Variants in MECOM observed in about 807,000 individuals in gnomAD.
MECOM encodes histone-lysine N-methyltransferase MECOM.
MECOM carries 13 observed loss-of-function variants against 116.3 expected under a neutral mutation model. The ratio of observed to expected loss-of-function variants is 0.11; its 90% confidence interval spans 0.07 to 0.18. The LOEUF is 0.18. Among genes scored for constraint, MECOM ranks in the 10% least tolerant of loss-of-function variants. MECOM has a pLI of 1.00. For synonymous variants in MECOM, 528 were observed against 535.2 expected (o/e 0.99, Z 0.19); for missense variants, 1,299 against 1,509.0 (o/e 0.86, Z 2.31).
intron 2 of MECOM, among the ~76,000 whole-genome samples, chr3:169,323,402 T>C (rs1721259927): frequency 6.6e-6 from 1 of 152,188 alleles, no homozygotes; most frequent in Non-Finnish European, 1.5e-5. Context: ...GGATTTCCTT[T>C]GGTTGCACAG....
chr3:169,224,999 A>G (rs1478557519), intron 2 of MECOM, among the ~76,000 whole-genome samples: 1 of 152,228 alleles, frequency 6.6e-6, no homozygotes, highest in Non-Finnish European at 1.5e-5. Flanking sequence ...TGCTAAATAC[A>G]TTGGTCAGAT....
At chr3:169,301,328 T>C (rs1716675878) in intron 2 of MECOM, among the ~76,000 whole-genome samples, 1 of 152,168 alleles carries the variant, frequency 6.6e-6, no homozygotes, top group South Asian at 2.1e-4. Flanking sequence ...AGAAGGAAAA[T>C]GTATGATTCA....
chr3:169,524,967 T>C (rs548949453), intron 1 of MECOM, among the ~76,000 whole-genome samples: 2 of 144,952 alleles, frequency 1.4e-5, no homozygotes, highest in East Asian at 2.0e-4. Flanking sequence ...CTAAACTGCA[T>C]ACTTGTTTAA....
intron 1 of MECOM, among the ~76,000 whole-genome samples, chr3:169,418,793 CTGAAT>C: frequency 8.4e-6 from 1 of 119,536 alleles, no homozygotes; most frequent in East Asian, 3.9e-4. Flanking sequence ...CAATATCATA[CTGAAT>C]TGGCAAAACC....
intron 1 of MECOM, among the ~76,000 whole-genome samples, chr3:169,580,899 C>G (rs557079329): frequency 1.3e-5 from 2 of 152,162 alleles, no homozygotes; most frequent in African/African-American, 4.8e-5. Flanking sequence ...ATTTACCCCA[C>G]GTGATACTGG....
At chr3:169,580,305 AT>A (rs1300728374) in intron 1 of MECOM, among the ~76,000 whole-genome samples, 4 of 152,034 alleles carry the variant, frequency 2.6e-5, no homozygotes, top group African/African-American at 9.7e-5. Context: ...GATTTCTGAG[AT>A]TTTGGTGGAC....
chr3:169,089,227 G>C (rs193230614), intron 15 of MECOM, 44 bp from the exon 16 acceptor site: 117 of 1,363,550 alleles, frequency 8.6e-5, no homozygotes, highest in Non-Finnish European at 1.1e-4. Flanking sequence ...CTTTTCATTT[G>C]TTATCTAATC....
At chr3:169,508,266 C>T (rs894762351) in intron 1 of MECOM, among the ~76,000 whole-genome samples, 1 of 152,092 alleles carries the variant, frequency 6.6e-6, no homozygotes, top group South Asian at 2.1e-4. Flanking sequence ...TCTCCTATCC[C>T]TACACTTCAT....
At chr3:169,227,361 T>A (rs1560017759) in intron 2 of MECOM, among the ~76,000 whole-genome samples, 1 of 152,232 alleles carries the variant, frequency 6.6e-6, no homozygotes, top group Non-Finnish European at 1.5e-5. Context: ...TCATAATCCT[T>A]ACTTTTAAAA....
intron 1 of MECOM, 46 bp downstream of exon 1, chr3:169,663,290 G>A: frequency 6.3e-7 from 1 of 1,581,938 alleles, no homozygotes; most frequent in Non-Finnish European, 8.6e-7. Flanking sequence ...TATGCAAGAT[G>A]GCAGAGGAGG....
At chr3:169,276,300 C>T (rs529385518) in intron 2 of MECOM, among the ~76,000 whole-genome samples, 14 of 152,014 alleles carry the variant, frequency 9.2e-5, no homozygotes, top group Non-Finnish European at 1.8e-4. Context: ...GCCTGTAATC[C>T]CAGCACTTTG....
chr3:169,359,099 G>T (rs1213127066), intron 2 of MECOM, among the ~76,000 whole-genome samples: 1 of 151,590 alleles, frequency 6.6e-6, no homozygotes, highest in African/African-American at 2.4e-5. Flanking sequence ...TCATAATTTT[G>T]CCTTTCTTTA....
chr3:169,611,262 A>G lies in MECOM; in HGVS notation c.37+52074T>C, dbSNP rs1769234480. Among the ~76,000 whole-genome samples, 1 of 152,216 alleles carries G rather than the reference A, an allele frequency of 6.6e-6. No individual in the cohort carries two copies. The highest frequency in any genetic ancestry group is 2.1e-4 in the South Asian group (1 of 4,830). On this transcript the variant is annotated intron_variant, in intron 1 of 16. Transcript: ENST00000651503. This position sits in a 1 kb window ranked among gnomAD's most constrained non-coding sequence, Gnocchi z 4.1. ...AAGAGTGACAGATAGTGCCTCGGGC[A>G]CTGCCACTGTCTCTTCCAATGCAAT...
chr3:169,620,568 C>T (rs1280819604), intron 1 of MECOM, among the ~76,000 whole-genome samples: 2 of 152,292 alleles, frequency 1.3e-5, no homozygotes, highest in South Asian at 2.1e-4. Flanking sequence ...AAATAAGGTG[C>T]TTGGTTCTGA....
chr3:169,304,415 T>A (rs1437243631), intron 2 of MECOM, among the ~76,000 whole-genome samples: 1 of 152,226 alleles, frequency 6.6e-6, no homozygotes, highest in Non-Finnish European at 1.5e-5. Flanking sequence ...TGACCTCTGG[T>A]TGGAGCCAAT....
chr3:169,592,744 C>A (rs1304975732), intron 1 of MECOM, among the ~76,000 whole-genome samples: 2 of 152,150 alleles, frequency 1.3e-5, no homozygotes, highest in African/African-American at 4.8e-5. Context: ...CCTTGCCATG[C>A]CCTCCATCTC....
At chr3:169,632,512 C>T (rs548545861) in intron 1 of MECOM, among the ~76,000 whole-genome samples, 14 of 152,194 alleles carry the variant, frequency 9.2e-5, no homozygotes, top group East Asian at 1.9e-4. Flanking sequence ...CTAAACTTAC[C>T]GCTCTATTTT....
At chr3:169,437,236 C>T (rs1318925925) in intron 1 of MECOM, among the ~76,000 whole-genome samples, 2 of 152,152 alleles carry the variant, frequency 1.3e-5, no homozygotes, top group African/African-American at 4.8e-5. Flanking sequence ...GATTTTCTGG[C>T]TTCAAATCCA....
At chr3:169,119,670 A>C (rs1488302345) in intron 7 of MECOM, among the ~76,000 whole-genome samples, 1 of 152,208 alleles carries the variant, frequency 6.6e-6, no homozygotes, top group Non-Finnish European at 1.5e-5. Flanking sequence ...CTGAGGAATC[A>C]GAAATAAATG....
Sources: gnomAD v4.1 joint callset for allele counts (sites outside exome capture counted in the v4.1 genomes callset) on GRCh38, gnomAD v4.1.1 for gene constraint, Gnocchi (gnomAD v3.1) non-coding constraint, MANE v1.5 for transcripts, NCBI Gene and HGNC (gene_info 2026-07-23, HGNC 2026-07-21) for gene names.